DNAAF19: variants seen among roughly 807,000 people sequenced by gnomAD.
The protein encoded by DNAAF19 is dynein axonemal assembly factor 19, also known as coiled-coil domain containing 103.
At chr17:44,900,856 A>G in the DNAAF19 span, 1 of 801,624 alleles carries the variant, frequency 1.2e-6, no homozygotes, top group Non-Finnish European at 1.9e-6. Flanking sequence ...AGATTTTTGT[A>G]ACACCTCCCA....
chr17:44,901,442 A>G, the DNAAF19 span: 2 of 1,529,482 alleles, frequency 1.3e-6, no homozygotes, highest in African/African-American at 1.4e-5. Context: ...TTTATCCTAT[A>G]CCATGCAAAG....
the DNAAF19 span, chr17:44,904,765 C>A: frequency 1.3e-6 from 2 of 1,550,642 alleles, no homozygotes; most frequent in African/African-American, 1.4e-5. Context: ...GCACACAGTA[C>A]CTGAAGGGTG....
chr17:44,901,126 C>A, the DNAAF19 span: 1 of 1,608,198 alleles, frequency 6.2e-7, no homozygotes, highest in African/African-American at 1.3e-5. Context: ...AGGGTGGCTT[C>A]CTATGAGGAG....
the DNAAF19 span, chr17:44,903,252 A>G: frequency 3.2e-6 from 4 of 1,252,006 alleles, no homozygotes; most frequent in East Asian, 6.0e-5. Flanking sequence ...ATGAATGGAC[A>G]TGTAATCAAC....
the DNAAF19 span, chr17:44,904,140 G>T: frequency 1.3e-6 from 2 of 1,550,406 alleles, no homozygotes. Flanking sequence ...ACCCGCTTCA[G>T]CATCCGCATG....
At chr17:44,903,672 G>T in the DNAAF19 span, 6 of 1,435,392 alleles carry the variant, frequency 4.2e-6, no homozygotes, top group Non-Finnish European at 5.4e-6. Context: ...AAATTGCCTT[G>T]CACTTGGCGG....
the DNAAF19 span, chr17:44,904,221 ACTACTTTTACGC>A: frequency 3.9e-6 from 6 of 1,550,476 alleles, no homozygotes; most frequent in Non-Finnish European, 4.4e-6. Context: ...CGCAAGGGGG[ACTACTTTTACGC>A]CTACGATGTG....
chr17:44,904,754 C>T, the DNAAF19 span: 48 of 1,550,598 alleles, frequency 3.1e-5, no homozygotes, highest in East Asian at 3.2e-4. Context: ...GCACCTCTAC[C>T]GCACACAGTA....
At chr17:44,902,356 G>A in the DNAAF19 span, 5 of 1,614,154 alleles carry the variant, frequency 3.1e-6, no homozygotes, top group Non-Finnish European at 4.2e-6. Flanking sequence ...TCCTTCCTTT[G>A]TGGTCCAGGA....
chr17:44,900,518 C>T, the DNAAF19 span, among the ~76,000 whole-genome samples: 26 of 152,026 alleles, frequency 1.7e-4, no homozygotes, highest in Middle Eastern at 3.4e-3. Context: ...GTGAAAGTCT[C>T]CTTCCTCATT....
chr17:44,900,531 A>C, the DNAAF19 span, among the ~76,000 whole-genome samples: 1 of 152,026 alleles, frequency 6.6e-6, no homozygotes, highest in South Asian at 2.1e-4. Context: ...TCCTCATTAA[A>C]GACATTCAAT....
chr17:44,904,873 G>C, the DNAAF19 span: 6 of 1,550,552 alleles, frequency 3.9e-6, no homozygotes, highest in Non-Finnish European at 5.2e-6. Flanking sequence ...GCTGGAGGCA[G>C]GGTGTGCTAG....
the DNAAF19 span, chr17:44,903,404 G>C: frequency 8.0e-7 from 1 of 1,250,920 alleles, no homozygotes; most frequent in Non-Finnish European, 1.0e-6. Context: ...CAGGAGGGTG[G>C]GTTTCCTTCA....
At chr17:44,904,033 A>C in the DNAAF19 span, 1 of 1,550,644 alleles carries the variant, frequency 6.4e-7, no homozygotes, top group Non-Finnish European at 8.7e-7. Flanking sequence ...GGTTCTACCA[A>C]AAGCACCTAG....
At chr17:44,903,551 G>T in the DNAAF19 span, 2 of 1,356,680 alleles carry the variant, frequency 1.5e-6, no homozygotes, top group Non-Finnish European at 1.9e-6. Flanking sequence ...TTGGGTGAGC[G>T]CCAGTGTTCT....
At chr17:44,902,466 T>TG in the DNAAF19 span, 1 of 1,614,176 alleles carries the variant, frequency 6.2e-7, no homozygotes, top group Non-Finnish European at 8.5e-7. Context: ...TACTGCAGCT[T>TG]GGGGGTCCAA....
the DNAAF19 span, chr17:44,903,889 T>C: frequency 6.4e-7 from 1 of 1,550,470 alleles, no homozygotes; most frequent in South Asian, 1.2e-5. Flanking sequence ...CCTTTGAAAT[T>C]GTGGAGAAGG....
chr17:44,904,180 T>C, the DNAAF19 span: 4 of 1,550,540 alleles, frequency 2.6e-6, no homozygotes, highest in East Asian at 2.4e-5. Context: ...GGGCTCAGTC[T>C]GAGGACTCAG....
the DNAAF19 span, chr17:44,902,797 G>T: frequency 6.4e-7 from 1 of 1,564,680 alleles, no homozygotes; most frequent in East Asian, 2.4e-5. Flanking sequence ...GGAGCTGCTG[G>T]AGCTGTACCA....
Sources: allele counts gnomAD v4.1 joint callset (sites outside exome capture counted in the v4.1 genomes callset), GRCh38; gene constraint gnomAD v4.1.1; transcripts MANE v1.5; gene names NCBI Gene and HGNC (gene_info 2026-07-23, HGNC 2026-07-21).